Variants in SI observed in about 807,000 individuals in gnomAD.
The protein encoded by SI is sucrase-isomaltase, intestinal.
SI carries 235 observed loss-of-function variants against 253.3 expected under a neutral mutation model. That is an observed-to-expected ratio of 0.93 (90% CI 0.83 to 1.03). The LOEUF is 1.03. Among genes scored for constraint, SI ranks in the 50% least tolerant of loss-of-function variants. SI has a pLI of 0.00. For synonymous variants in SI, 819 were observed against 712.0 expected (o/e 1.15, Z -2.39); for missense variants, 2,442 against 2,211.1 (o/e 1.10, Z -2.09).
Position 165,030,846 on chromosome 3 carries a change from T to C in SI, c.2758A>G (p.Lys920Glu), listed in dbSNP as rs757794819. The C allele has an allele frequency of 2.6e-6, 4 of 1,566,568 alleles. No homozygotes were observed. The South Asian group carries it at 4.6e-5, about 18-fold the overall frequency. ...CTAAAGTTTCTTCCAAGATTAAGTT[T>C]GAGATCTGCAATTAGGAGAACCTTT... ...SNQVLLIADL[K>E]LNLGRNFSVQ... Residue 920 changes from lysine (K) to glutamate (E), a missense_variant, in exon 25 of 48, where the codon AAA (lysine) becomes GAA (glutamate). Transcript: ENST00000264382.
chr3:164,980,316 A>C (rs1717118732), intron 47 of SI, among the ~76,000 whole-genome samples: 2 of 151,810 alleles, frequency 1.3e-5, no homozygotes, highest in Admixed American at 1.3e-4. Context: ...TCTTGTAACA[A>C]AACTTAAACT....
chr3:165,088,925 C>T, the SI span, among the ~76,000 whole-genome samples: 7 of 151,924 alleles, frequency 4.6e-5, no homozygotes, highest in East Asian at 1.9e-4. Context: ...ATCAATATTG[C>T]TTTGATAATT....
intron 37 of SI, among the ~76,000 whole-genome samples, chr3:165,001,029 GAA>G (rs1231822427): frequency 3.3e-5 from 5 of 151,214 alleles, no homozygotes; most frequent in African/African-American, 1.2e-4. Context: ...TGAAATATGT[GAA>G]GAGAATATTA....
In SI at chr3:164,990,865, T is replaced by A. The variant is rs539255791; in HGVS notation, c.5108+488A>T. Among the ~76,000 whole-genome samples the A allele has an allele frequency of 2.6e-5, 4 of 152,020 alleles. No individual in the cohort carries two copies. The South Asian group carries it at 8.3e-4, about 32-fold the overall frequency. On this transcript the variant is annotated intron_variant, in intron 44 of 47. Coordinates refer to ENST00000264382, the MANE Select transcript of SI (RefSeq NM_001041.4). ...TATACATATGTAACTAACCTGCACG[T>A]TGTGCACATGTACCCTAAAACTTAA...
chr3:164,982,227 T>C lies in SI; in HGVS notation c.5415+16A>G, dbSNP rs1576864009. ...AATACGTACGCTTTTGAAAAATATT[T>C]TCTTACATTACTTACCATGTTGGTA... is the stretch of plus-strand genomic sequence containing the variant. On this transcript the variant is annotated intron_variant, in intron 47 of 47. Transcript: ENST00000264382. The C allele has an allele frequency of 6.2e-7, 1 of 1,603,836 alleles. No individual in the cohort carries two copies. The highest frequency in any genetic ancestry group is 8.5e-7 in the Non-Finnish European group (1 of 1,171,880).
At chr3:165,089,844 A>G in the SI span, among the ~76,000 whole-genome samples, 2 of 152,024 alleles carry the variant, frequency 1.3e-5, no homozygotes, top group African/African-American at 2.4e-5. Flanking sequence ...GCATCTACAC[A>G]GGGCACCTTA....
chr3:165,079,494 AG>A (rs965314030), upstream of SI, among the ~76,000 whole-genome samples: 1 of 151,788 alleles, frequency 6.6e-6, no homozygotes, highest in Non-Finnish European at 1.5e-5. Context: ...GATTGTTGTA[AG>A]ACTCAGTAGC....
At chr3:165,047,097 G>T in intron 15 of SI, 85 bp from the exon 16 acceptor site, 2 of 1,110,346 alleles carry the variant, frequency 1.8e-6, no homozygotes, top group Non-Finnish European at 2.6e-6. Context: ...TAATTCCAAA[G>T]CCATGTGATA....
intron 21 of SI, among the ~76,000 whole-genome samples, chr3:165,036,806 A>C (rs1712557414): frequency 6.6e-6 from 1 of 151,826 alleles, no homozygotes; most frequent in African/African-American, 2.4e-5. Context: ...TGTCTTATTA[A>C]GGCTCAACTC....
At chr3:165,060,203 T>C (rs920979292) in intron 9 of SI, among the ~76,000 whole-genome samples, 176 bp from the exon 10 acceptor site, 1 of 152,046 alleles carries the variant, frequency 6.6e-6, no homozygotes. Flanking sequence ...TCTATTTGAA[T>C]GTGTTATGAA....
At chr3:164,988,908 G>T (rs149960957) in intron 44 of SI, among the ~76,000 whole-genome samples, 3 of 151,946 alleles carry the variant, frequency 2.0e-5, no homozygotes, top group Admixed American at 1.3e-4. Flanking sequence ...GAAGGGCCTG[G>T]CCAGACAATC....
chr3:165,023,151 A>G (rs1711714123), intron 26 of SI, among the ~76,000 whole-genome samples: 1 of 151,536 alleles, frequency 6.6e-6, no homozygotes, highest in African/African-American at 2.4e-5. Context: ...TGGAATTCTT[A>G]AGTTAAAAAA....
chr3:165,076,033 A>G (rs1714950268), intron 1 of SI, 21 bp from the exon 2 acceptor site: 2 of 1,449,286 alleles, frequency 1.4e-6, no homozygotes, highest in African/African-American at 2.8e-5. Context: ...AAAAGAATAT[A>G]TATTTAAAAT....
chr3:165,011,151 T>G (rs1399845645), intron 34 of SI, among the ~76,000 whole-genome samples: 1 of 152,176 alleles, frequency 6.6e-6, no homozygotes, highest in Non-Finnish European at 1.5e-5. Flanking sequence ...TTTTCTTCCC[T>G]CTACTAACTT....
chr3:165,077,335 C>G (rs7639496), intron 1 of SI, among the ~76,000 whole-genome samples: 87,954 of 151,372 alleles, frequency 0.58, 25,967 homozygotes, highest in East Asian at 0.81. Context: ...TCTTCATTTA[C>G]CATAGCATAT....
chr3:164,998,436 G>T, intron 38 of SI, 104 bp downstream of exon 38: 2 of 1,241,080 alleles, frequency 1.6e-6, no homozygotes, highest in Non-Finnish European at 2.4e-6. Context: ...ACGATGTGAA[G>T]AACAAAATTC....
chr3:165,003,053 A>G (rs1268998488), intron 37 of SI, among the ~76,000 whole-genome samples: 1 of 151,858 alleles, frequency 6.6e-6, no homozygotes, highest in African/African-American at 2.4e-5. Flanking sequence ...CTGCATATGG[A>G]CTATTTGGAA....
chr3:165,020,459 G>A lies in SI; in HGVS notation c.3255-689C>T, dbSNP rs149649717. ...TATTATTTTGGAAAACTATTTAATC[G>A]AGAATAATGCTTGTCAAATGACAAT... On this transcript the variant is annotated intron_variant, in intron 27 of 47. Coordinates refer to ENST00000264382, the MANE Select transcript of SI (RefSeq NM_001041.4). Among the ~76,000 whole-genome samples, 406 of 151,592 alleles carry A rather than the reference G, an allele frequency of 2.7e-3. 3 individuals are homozygous for A. Among genetic ancestry groups the A allele is most frequent in the African/African-American group, 9.4e-3 (388 of 41,476 alleles).
At chr3:165,071,514 C>T (rs974087008) in intron 3 of SI, among the ~76,000 whole-genome samples, 14 of 151,308 alleles carry the variant, frequency 9.3e-5, no homozygotes, top group Admixed American at 6.6e-5. Flanking sequence ...GTAATAATTT[C>T]ATATGTAATA....
Sources: gnomAD v4.1 joint callset for allele counts (sites outside exome capture counted in the v4.1 genomes callset) on GRCh38, gnomAD v4.1.1 for gene constraint, MANE v1.5 for transcripts, NCBI Gene and HGNC (gene_info 2026-07-23, HGNC 2026-07-21) for gene names.